The following DSCAM variants were observed in gnomAD, a reference collection of about 807,000 sequenced individuals.
DSCAM encodes cell adhesion molecule DSCAM.
In DSCAM, 47 loss-of-function variants were observed where a neutral mutation model predicts 217.7. The observed-to-expected ratio is 0.22, with a 90% CI of 0.17 to 0.28. The LOEUF is 0.28. DSCAM is among the 10% of genes least tolerant of loss of function. The pLI, the probability that DSCAM is intolerant of heterozygous loss-of-function variation, is 1.00. For synonymous variants in DSCAM, 1,056 were observed against 1,015.3 expected (o/e 1.04, Z -0.76); for missense variants, 2,080 against 2,618.3 (o/e 0.79, Z 4.49).
chr21:40,020,467 T>C (rs1381965791), intron 32 of DSCAM, among the ~76,000 whole-genome samples: 1 of 151,894 alleles, frequency 6.6e-6, no homozygotes, highest in African/African-American at 2.4e-5. Context: ...AAGAGGTAGC[T>C]GAGTGCAATA....
chr21:40,300,414 C>T (rs1264827417), intron 9 of DSCAM, among the ~76,000 whole-genome samples: 1 of 152,246 alleles, frequency 6.6e-6, no homozygotes, highest in Non-Finnish European at 1.5e-5. Flanking sequence ...ACACCCCAGT[C>T]ACAGTGAGTA....
At chr21:40,655,035 A>G (rs868077404) in intron 3 of DSCAM, among the ~76,000 whole-genome samples, 14 of 152,126 alleles carry the variant, frequency 9.2e-5, no homozygotes, top group African/African-American at 3.4e-4. Flanking sequence ...CTAGGTAATC[A>G]CTAGCTAGCT....
intron 1 of DSCAM, among the ~76,000 whole-genome samples, chr21:40,841,502 T>C (rs1038823608): frequency 6.6e-6 from 1 of 151,966 alleles, no homozygotes; most frequent in Non-Finnish European, 1.5e-5. Context: ...TGTGCCCAGG[T>C]CTTTGGAACT....
intron 11 of DSCAM, among the ~76,000 whole-genome samples, chr21:40,194,424 GCGAGGAT>G: frequency 6.6e-6 from 1 of 152,066 alleles, no homozygotes; most frequent in African/African-American, 2.4e-5. Flanking sequence ...AGCCCTTTTT[GCGAGGAT>G]TTCTGAAGCA....
intron 3 of DSCAM, among the ~76,000 whole-genome samples, chr21:40,684,049 A>T (rs35866775): frequency 0.019 from 1,934 of 103,778 alleles, 21 homozygotes; most frequent in South Asian, 0.03. Context: ...ACATGGTGTA[A>T]CCCTGTCTCT....
At chr21:40,296,849 A>G (rs932697457) in intron 9 of DSCAM, among the ~76,000 whole-genome samples, 25 of 151,808 alleles carry the variant, frequency 1.6e-4, no homozygotes, top group Admixed American at 9.9e-4. Context: ...AAAAAAAAAA[A>G]AAAAAAGTAG....
At chr21:40,339,063 C>A in intron 7 of DSCAM, 56 bp downstream of exon 7, 1 of 1,587,186 alleles carries the variant, frequency 6.3e-7, no homozygotes, top group East Asian at 2.2e-5. Context: ...CAGAAATCTT[C>A]TTCTCCACTA....
intron 3 of DSCAM, among the ~76,000 whole-genome samples, chr21:40,473,160 A>G (rs2075903598): frequency 6.6e-6 from 1 of 152,238 alleles, no homozygotes; most frequent in Non-Finnish European, 1.5e-5. Flanking sequence ...ATTGCCAGCT[A>G]CGGCTAGGTA....
intron 3 of DSCAM, among the ~76,000 whole-genome samples, chr21:40,652,561 A>G (rs1601823755): frequency 1.3e-5 from 2 of 152,264 alleles, no homozygotes; most frequent in South Asian, 4.1e-4. Context: ...CAGGAGGCAC[A>G]TCCAATGGGA....
At chr21:40,479,392 C>T (rs1222010460) in intron 3 of DSCAM, among the ~76,000 whole-genome samples, 1 of 152,122 alleles carries the variant, frequency 6.6e-6, no homozygotes, top group Non-Finnish European at 1.5e-5. Context: ...TCCTTAGTCC[C>T]CTTAGAAACA....
In DSCAM at chr21:40,823,083, G is replaced by A. The variant is rs973170993; in HGVS notation, c.43+23536C>T. ...GAGAATTGCTTGAACCCGGGAGGCAGAAGTTGCCGTGAGCCGAAATTGTGC... is the reference window on the plus strand; with the variant it reads ...GAGAATTGCTTGAACCCGGGAGGCAAAAGTTGCCGTGAGCCGAAATTGTGC... On this transcript the variant is annotated intron_variant, in intron 1 of 32. Transcript: ENST00000400454. 6.6e-5 allele frequency among the ~76,000 whole-genome samples: 10 copies of A among 152,222 alleles called. 1 individual carries two copies. The highest frequency in any genetic ancestry group is 2.6e-4 in the Admixed American group (4 of 15,292).
intron 3 of DSCAM, among the ~76,000 whole-genome samples, chr21:40,592,807 C>G (rs964863670): frequency 2.6e-5 from 4 of 152,306 alleles, no homozygotes; most frequent in African/African-American, 9.6e-5. Context: ...TATTGTCCTT[C>G]CCTCTCACAG....
chr21:40,425,669 CAAAAAAAAAAAA>C, intron 3 of DSCAM, among the ~76,000 whole-genome samples: 1 of 68,998 alleles, frequency 1.4e-5, no homozygotes, highest in East Asian at 5.0e-4. Flanking sequence ...ACTCGGTGTC[CAAAAAAAAAAAA>C]AAAAAAAAAC....
chr21:40,723,566 A>G (rs1224507759), intron 1 of DSCAM, among the ~76,000 whole-genome samples: 1 of 152,208 alleles, frequency 6.6e-6, no homozygotes, highest in Non-Finnish European at 1.5e-5. Flanking sequence ...TCTTATTCTT[A>G]GAGGCAGCTG....
intron 6 of DSCAM, among the ~76,000 whole-genome samples, chr21:40,342,626 G>GTATATATATA (rs1244685654): frequency 5.3e-5 from 5 of 94,718 alleles, no homozygotes; most frequent in Non-Finnish European, 7.5e-5. Flanking sequence ...GTGTGTGTGT[G>GTATATATATA]TATATATATA....
chr21:40,220,696 T>C lies in DSCAM; in HGVS notation c.2357-31458A>G, dbSNP rs145191741. 4.3e-3 allele frequency among the ~76,000 whole-genome samples: 651 copies of C among 152,268 alleles called. 10 individuals are homozygous for C. Among genetic ancestry groups the C allele is most frequent in the African/African-American group, 0.015 (619 of 41,564 alleles). ...TAGAATAGCTATATGAGACTCCCCA[T>C]GAGAGTTCACAGCTTAACTGTGACT... On this transcript the variant is annotated intron_variant, in intron 11 of 32. Coordinates refer to ENST00000400454, the MANE Select transcript of DSCAM (RefSeq NM_001389.5).
intron 10 of DSCAM, among the ~76,000 whole-genome samples, chr21:40,277,799 G>A (rs2073707532): frequency 6.6e-6 from 1 of 150,442 alleles, no homozygotes; most frequent in African/African-American, 2.4e-5. Flanking sequence ...AACCTGGGAG[G>A]CAGAGGATGC....
At chr21:40,788,581 C>T (rs984220521) in intron 1 of DSCAM, among the ~76,000 whole-genome samples, 3 of 152,100 alleles carry the variant, frequency 2.0e-5, no homozygotes, top group East Asian at 1.9e-4. Flanking sequence ...CCAACTTCCC[C>T]GGCCTCAAGG....
chr21:40,687,463 A>G (rs2090491942), intron 3 of DSCAM, among the ~76,000 whole-genome samples: 1 of 152,208 alleles, frequency 6.6e-6, no homozygotes, highest in South Asian at 2.1e-4. Context: ...TGCCACAGAA[A>G]GGGAAGGTTA....
Sources: allele counts gnomAD v4.1 joint callset (sites outside exome capture counted in the v4.1 genomes callset), GRCh38; gene constraint gnomAD v4.1.1; transcripts MANE v1.5; gene names NCBI Gene and HGNC (gene_info 2026-07-23, HGNC 2026-07-21).